Variants in PCTP observed in about 807,000 individuals in gnomAD.
The protein encoded by PCTP is START domain-containing protein 2.
PCTP carries 27 observed loss-of-function variants against 31.0 expected under a neutral mutation model. That is an observed-to-expected ratio of 0.87 (90% CI 0.64 to 1.20). The LOEUF (loss-of-function observed/expected upper bound fraction) is 1.20. Ranked by LOEUF, PCTP falls within the 50% of genes most tolerant of loss-of-function variation. PCTP has a pLI of 0.00. For synonymous variants in PCTP, 108 were observed against 101.2 expected, an observed-to-expected ratio of 1.07 and a Z score of -0.40; for missense variants, 287 against 268.2, an observed-to-expected ratio of 1.07 and a Z score of -0.49.
chr17:55,803,922 C>A (rs980414371), intron 3 of PCTP, among the ~76,000 whole-genome samples: 4 of 146,050 alleles, frequency 2.7e-5, no homozygotes, highest in South Asian at 4.3e-4. Flanking sequence ...TCAGAGTAAA[C>A]AGGCAACCGA....
At chr17:55,845,085 C>CAAAAAAAAAAAAAAAAAAAAAA (rs891404386), downstream of PCTP, among the ~76,000 whole-genome samples, 7 of 32,524 alleles carry the variant, frequency 2.2e-4, 2 homozygotes, top group Non-Finnish European at 2.8e-4. Flanking sequence ...AAAACTCCAT[C>CAAAAAAAAAAAAAAAAAAAAAA]AAAAAAAAAA....
chr17:55,843,450 C>T (rs148262160), downstream of PCTP, among the ~76,000 whole-genome samples: 243 of 152,308 alleles, frequency 1.6e-3, 1 homozygote, highest in Non-Finnish European at 1.8e-3. Flanking sequence ...GGCATCCTTC[C>T]TGCTGCCAGA....
At chr17:55,791,697 C>T (rs1163325600) in intron 3 of PCTP, among the ~76,000 whole-genome samples, 6 of 152,110 alleles carry the variant, frequency 3.9e-5, no homozygotes, top group Non-Finnish European at 4.4e-5. Flanking sequence ...AACACTTTTA[C>T]ACTGTTGGTG....
chr17:55,849,700 A>T, the PCTP span, among the ~76,000 whole-genome samples: 1 of 152,312 alleles, frequency 6.6e-6, no homozygotes, highest in South Asian at 2.1e-4. Flanking sequence ...AAGGAAAGGA[A>T]AGATTCAATT....
downstream of PCTP, among the ~76,000 whole-genome samples, chr17:55,845,975 G>A (rs191279939): frequency 1.7e-4 from 25 of 151,170 alleles, no homozygotes; most frequent in Admixed American, 4.6e-4. Flanking sequence ...CTTGAAATGC[G>A]CCCTGTGTAT....
intron 3 of PCTP, among the ~76,000 whole-genome samples, chr17:55,796,958 A>G (rs1016738390): frequency 1.3e-5 from 2 of 151,992 alleles, no homozygotes; most frequent in East Asian, 1.9e-4. Context: ...TTATCTGAAT[A>G]TAGGCAACAT....
intron 3 of PCTP, among the ~76,000 whole-genome samples, chr17:55,791,917 C>T (rs1911997574): frequency 6.6e-6 from 1 of 152,024 alleles, no homozygotes. Context: ...AAATGTCCAA[C>T]AGTGATAGAC....
At chr17:55,820,985 G>A (rs1165492833) in intron 3 of PCTP, among the ~76,000 whole-genome samples, 2 of 152,192 alleles carry the variant, frequency 1.3e-5, no homozygotes, top group Non-Finnish European at 2.9e-5. Context: ...TTAAAATGTT[G>A]AACACAGAGG....
chr17:55,830,776 G>T (rs1414575389), intron 5 of PCTP, among the ~76,000 whole-genome samples: 1 of 152,184 alleles, frequency 6.6e-6, no homozygotes, highest in Admixed American at 6.5e-5. Flanking sequence ...TAGTTGAGGG[G>T]TTAGGGGAGA....
intron 1 of PCTP, among the ~76,000 whole-genome samples, chr17:55,760,071 C>T (rs965937242): frequency 1.1e-4 from 16 of 152,118 alleles, no homozygotes; most frequent in African/African-American, 2.7e-4. Flanking sequence ...TTAGCCAGCA[C>T]GATAGCATCT....
intron 1 of PCTP, among the ~76,000 whole-genome samples, chr17:55,763,665 T>C (rs1313261800): frequency 6.6e-6 from 1 of 152,180 alleles, no homozygotes; most frequent in African/African-American, 2.4e-5. Context: ...TTTATTTACT[T>C]AAAGGAAATA....
chr17:55,850,841 G>A, the PCTP span, among the ~76,000 whole-genome samples: 124 of 152,188 alleles, frequency 8.1e-4, no homozygotes, highest in African/African-American at 2.8e-3. Flanking sequence ...ATTTTTCTCC[G>A]TATGAAATTC....
In PCTP at chr17:55,776,202, C is replaced by G; in HGVS notation, c.*102C>G. On this transcript the variant is annotated 3_prime_UTR_variant, in exon 6 of 6. Transcript: ENST00000268896. ...ACCTGGAAGTGCCACCTGGAAGTGTCTCTGGAAGAGCACCCACCACTGTTC... is the reference window on the plus strand; with the variant it reads ...ACCTGGAAGTGCCACCTGGAAGTGTGTCTGGAAGAGCACCCACCACTGTTC... 1 of 1,533,816 alleles carries G rather than the reference C, an allele frequency of 6.5e-7. No homozygotes were observed. The highest frequency in any genetic ancestry group is 8.8e-7 in the Non-Finnish European group (1 of 1,140,322).
chr17:55,789,048 C>T (rs189805265), intron 3 of PCTP, among the ~76,000 whole-genome samples: 43 of 152,172 alleles, frequency 2.8e-4, no homozygotes, highest in African/African-American at 9.2e-4. Context: ...ATTTGAGCCT[C>T]GATTTTTCTT....
downstream of PCTP, among the ~76,000 whole-genome samples, chr17:55,780,159 A>G (rs1236796467): frequency 6.6e-6 from 1 of 151,962 alleles, no homozygotes; most frequent in African/African-American, 2.4e-5. Flanking sequence ...CAGAGTTTAG[A>G]ACCAACAAAA....
intron 1 of PCTP, among the ~76,000 whole-genome samples, chr17:55,752,345 A>G (rs1185820021): frequency 6.6e-6 from 1 of 152,248 alleles, no homozygotes; most frequent in Non-Finnish European, 1.5e-5. Context: ...TGCCTGTCTC[A>G]TTGCAGGGTT....
intron 3 of PCTP, among the ~76,000 whole-genome samples, chr17:55,796,839 T>A (rs1227186838): frequency 6.6e-6 from 1 of 152,006 alleles, no homozygotes; most frequent in Admixed American, 6.6e-5. Context: ...AAAAAAAGAT[T>A]ATTTCTGTAT....
chr17:55,819,010 C>CAAAAAAAAAAAAAAAAAAAA (rs56823756), intron 3 of PCTP, among the ~76,000 whole-genome samples: 2 of 51,110 alleles, frequency 3.9e-5, no homozygotes, highest in African/African-American at 6.6e-5. Flanking sequence ...GGAAAGAAAT[C>CAAAAAAAAAAAAAAAAAAAA]AAAAAAAAAA....
intron 3 of PCTP, among the ~76,000 whole-genome samples, chr17:55,787,930 T>C (rs1022557366): frequency 3.3e-5 from 5 of 152,178 alleles, no homozygotes; most frequent in African/African-American, 1.2e-4. Flanking sequence ...AGCACTGTCA[T>C]ATAATATGGC....
Sources: gnomAD v4.1 joint callset for allele counts (sites outside exome capture counted in the v4.1 genomes callset) on GRCh38, gnomAD v4.1.1 for gene constraint, MANE v1.5 for transcripts, NCBI Gene and HGNC (gene_info 2026-07-23, HGNC 2026-07-21) for gene names.